Variants in CDH13 observed in about 807,000 individuals in gnomAD.
CDH13 encodes the protein cadherin-13.
In CDH13, 24 loss-of-function variants were observed where a neutral mutation model predicts 63.8. That is an observed-to-expected ratio of 0.38 (90% CI 0.27 to 0.53). The LOEUF is 0.53. Ranked by LOEUF, CDH13 falls within the 20% of genes least tolerant of loss-of-function variation. CDH13 has a pLI of 0.85. For synonymous variants in CDH13, 503 were observed against 355.3 expected (o/e 1.42, Z -4.67); for missense variants, 1,049 against 903.1 (o/e 1.16, Z -2.07).
At chr16:83,211,717 G>A (rs534825918) in intron 4 of CDH13, among the ~76,000 whole-genome samples, 12 of 151,924 alleles carry the variant, frequency 7.9e-5, no homozygotes, top group South Asian at 4.2e-4. Context: ...GCCCCTGCCC[G>A]GATGCAGAAG....
intron 6 of CDH13, 112 bp downstream of exon 6, chr16:83,345,118 G>C: frequency 1.6e-6 from 2 of 1,254,358 alleles, no homozygotes; most frequent in Non-Finnish European, 2.2e-6. Context: ...GCTCGTATCA[G>C]CGTCGACTTA....
At chr16:82,909,028 ATCT>A (rs1317842615) in intron 2 of CDH13, among the ~76,000 whole-genome samples, 3 of 152,162 alleles carry the variant, frequency 2.0e-5, no homozygotes, top group Non-Finnish European at 4.4e-5. Flanking sequence ...CCTGAAACCA[ATCT>A]TCTCCATATA....
chr16:83,524,200 G>A (rs949795089), intron 7 of CDH13, among the ~76,000 whole-genome samples: 4 of 152,160 alleles, frequency 2.6e-5, no homozygotes, highest in African/African-American at 9.7e-5. Context: ...TTGCAGTTAA[G>A]AGAATAAATA....
chr16:82,857,869 G>T (rs2039767256), intron 1 of CDH13, among the ~76,000 whole-genome samples: 1 of 152,054 alleles, frequency 6.6e-6, no homozygotes, highest in Non-Finnish European at 1.5e-5. Flanking sequence ...GTACTCAGTA[G>T]CCACCGGTGG....
chr16:82,738,257 A>G (rs2033773857), intron 1 of CDH13, among the ~76,000 whole-genome samples: 1 of 152,226 alleles, frequency 6.6e-6, no homozygotes, highest in Non-Finnish European at 1.5e-5. Context: ...GTAAAAATAA[A>G]CGTAACTGCA....
At chr16:83,053,741 T>G (rs1288367767) in intron 3 of CDH13, among the ~76,000 whole-genome samples, 1 of 152,108 alleles carries the variant, frequency 6.6e-6, no homozygotes, top group Admixed American at 6.5e-5. Flanking sequence ...GAACGCTATA[T>G]CATATTTATA....
At chr16:83,559,095 T>TACACTGCTATCATGTG (rs1567763220) in intron 7 of CDH13, among the ~76,000 whole-genome samples, 6 of 152,172 alleles carry the variant, frequency 3.9e-5, no homozygotes, top group African/African-American at 1.4e-4. Flanking sequence ...GCTATCATGT[T>TACACTGCTATCATGTG]AAGATCCACT....
rs185381026 is a variant in CDH13, at chr16:83,744,345, T to C, written c.1539-3763T>C. Among the ~76,000 whole-genome samples the C allele has an allele frequency of 2.6e-5, 4 of 152,338 alleles. No individual in the cohort carries two copies. In the East Asian group the frequency reaches 5.8e-4, roughly 22 times the overall value. ...GAGAGGAGACGTATGAGTGGGGTCT[T>C]GAAACAGTAAAAATTTGCCAGGTGG... On this transcript the variant is annotated intron_variant, in intron 10 of 13. Transcript: ENST00000567109.
intron 1 of CDH13, among the ~76,000 whole-genome samples, chr16:82,785,007 TAGC>T (rs2035937592): frequency 6.6e-6 from 1 of 152,134 alleles, no homozygotes; most frequent in African/African-American, 2.4e-5. Context: ...GGCTACTCCT[TAGC>T]AGTAGTGGGG....
At chr16:83,747,650 CTG>C (rs1380865874) in intron 10 of CDH13, among the ~76,000 whole-genome samples, 3 of 151,244 alleles carry the variant, frequency 2.0e-5, no homozygotes, top group African/African-American at 7.3e-5. Context: ...GCTGCATTCT[CTG>C]TGAGGTGCCC....
At chr16:82,855,931 T>C (rs1597810711) in intron 1 of CDH13, among the ~76,000 whole-genome samples, 1 of 152,272 alleles carries the variant, frequency 6.6e-6, no homozygotes, top group East Asian at 1.9e-4. Flanking sequence ...TTGAGTTCTC[T>C]GGTGGGGATG....
At chr16:83,479,650 C>G (rs1407449075) in intron 6 of CDH13, among the ~76,000 whole-genome samples, 1 of 23,786 alleles carries the variant, frequency 4.2e-5, no homozygotes, top group Non-Finnish European at 7.8e-5. Context: ...GAGTGAGACT[C>G]CGTCTCCAAA....
intron 2 of CDH13, among the ~76,000 whole-genome samples, chr16:82,916,526 A>G (rs1412437731): frequency 1.3e-5 from 2 of 152,076 alleles, no homozygotes; most frequent in African/African-American, 2.4e-5. Flanking sequence ...GTGAGCTGAG[A>G]TCGCGCCACA....
intron 6 of CDH13, among the ~76,000 whole-genome samples, chr16:83,387,524 G>A (rs117543333): frequency 0.016 from 2,416 of 152,260 alleles, 34 homozygotes; most frequent in Non-Finnish European, 0.021. Flanking sequence ...AAAATTTAAA[G>A]TAAATGAACT....
intron 1 of CDH13, among the ~76,000 whole-genome samples, chr16:82,649,921 A>G (rs889973287): frequency 6.6e-6 from 1 of 152,230 alleles, no homozygotes; most frequent in Admixed American, 6.5e-5. Context: ...GAATTGAAGC[A>G]TGTAACATGC....
intron 2 of CDH13, among the ~76,000 whole-genome samples, chr16:82,989,808 G>T (rs530040423): frequency 2.4e-3 from 365 of 152,244 alleles, no homozygotes; most frequent in Non-Finnish European, 4.1e-3. Context: ...TGTGATTTAC[G>T]TTTAGATGTT....
chr16:83,377,878 A>G (rs1229673821), intron 6 of CDH13, among the ~76,000 whole-genome samples: 1 of 152,200 alleles, frequency 6.6e-6, no homozygotes, highest in Non-Finnish European at 1.5e-5. Flanking sequence ...CAAAAATTAG[A>G]AAAAGGTGTC....
Position 83,368,696 on chromosome 16 carries a change from A to T in CDH13, c.781+23690A>T, listed in dbSNP as rs1457622470. ...CCCAACCCTTTCCCCAAGTCCCCAC[A>T]GTCCAATACATTATTCTTATGCCTT... On this transcript the variant is annotated intron_variant, in intron 6 of 13. Coordinates refer to ENST00000567109, the MANE Select transcript of CDH13 (RefSeq NM_001257.5). 2.0e-5 allele frequency among the ~76,000 whole-genome samples: 3 copies of T among 151,240 alleles called. No individual in the cohort carries two copies. In the South Asian group the frequency reaches 6.3e-4, roughly 32 times the overall value.
At chr16:82,887,783 C>T (rs1253205296) in intron 2 of CDH13, among the ~76,000 whole-genome samples, 1 of 152,056 alleles carries the variant, frequency 6.6e-6, no homozygotes, top group East Asian at 1.9e-4. Context: ...GCTCGCACCA[C>T]TGCACTCTAG....
Sources: allele counts gnomAD v4.1 joint callset (sites outside exome capture counted in the v4.1 genomes callset), GRCh38; gene constraint gnomAD v4.1.1; transcripts MANE v1.5; gene names NCBI Gene and HGNC (gene_info 2026-07-23, HGNC 2026-07-21).